RAG1: variants seen among roughly 807,000 people sequenced by gnomAD.
RAG1 encodes the protein V(D)J recombination-activating protein 1.
A neutral mutation model predicts 62.7 loss-of-function variants in RAG1; 35 were observed. The ratio of observed to expected loss-of-function variants is 0.56; its 90% CI spans 0.43 to 0.74. The LOEUF (loss-of-function observed/expected upper bound fraction) is 0.74. RAG1 is among the 30% of genes least tolerant of loss of function. RAG1 has a pLI of 0.00. For synonymous variants in RAG1, 461 were observed against 470.3 expected (o/e 0.98, Z 0.26); for missense variants, 1,169 against 1,278.6 (o/e 0.91, Z 1.31).
At chr11:36,520,165 T>C (rs988286583) in exon 2 of RAG1, 1 of 152,248 alleles carries the variant, frequency 6.6e-6, no homozygotes, top group Non-Finnish European at 1.5e-5. Flanking sequence ...AAGAATCACC[T>C]TGTTTTCTTG....
At chr11:36,528,489 A>G (rs1165984887) in intron 2 of RAG1, among the ~76,000 whole-genome samples, 6 of 152,188 alleles carry the variant, frequency 3.9e-5, no homozygotes, top group Non-Finnish European at 7.3e-5. Context: ...GATTTGTTTA[A>G]AGAAGTGTGT....
rs908374981 is a variant in RAG1, at chr11:36,561,527, T to C, written c.-411-1858T>C. On this transcript the variant is annotated intron_variant and NMD_transcript_variant, in intron 3 of 9. Transcript: ENST00000534663. ...TGGCTAAACATTATTCCTCGGTGTG[T>C]CTGTTAGTGTTTTTCTGAATGATAT... is the stretch of plus-strand genomic sequence containing the variant. 3.3e-5 allele frequency among the ~76,000 whole-genome samples: 5 copies of C among 152,210 alleles called. No individual in the cohort carries two copies. In the South Asian group the frequency reaches 6.2e-4, roughly 19 times the overall value.
upstream of RAG1, among the ~76,000 whole-genome samples, chr11:36,565,425 T>A (rs944718555): frequency 6.6e-6 from 1 of 152,132 alleles, no homozygotes; most frequent in African/African-American, 2.4e-5. Context: ...GGGAGCACAT[T>A]GCCTGGAGGA....
chr11:36,542,297 C>T (rs890717692), intron 3 of RAG1, among the ~76,000 whole-genome samples: 3 of 152,134 alleles, frequency 2.0e-5, no homozygotes, highest in African/African-American at 4.8e-5. Flanking sequence ...AAATACATAA[C>T]GCTGCAGGTG....
chr11:36,535,171 G>T (rs1007582843), intron 2 of RAG1, among the ~76,000 whole-genome samples: 9 of 151,752 alleles, frequency 5.9e-5, no homozygotes. Context: ...TGTAAAGTCT[G>T]AAATATATAT....
In RAG1 at chr11:36,573,473, C is replaced by G; in HGVS notation, c.169C>G (p.Pro57Ala). 6.2e-7 allele frequency: 1 copy of G among 1,614,178 alleles called. No homozygotes were observed. The highest frequency in any genetic ancestry group is 1.1e-5 in the South Asian group (1 of 91,080). The change falls in exon 2 of 2, where the codon CCC (proline) becomes GCC (alanine). Residue 57 changes from proline (P) to alanine (A), a missense_variant. Coordinates refer to ENST00000299440, the MANE Select transcript of RAG1 (RefSeq NM_000448.3). ...AAAGAAGGATTCCTTTGAGGGGAAACCCTCTCTGGAGCAATCTCCAGCAGT... is the reference window on the plus strand; with the variant it reads ...AAAGAAGGATTCCTTTGAGGGGAAAGCCTCTCTGGAGCAATCTCCAGCAGT... ...KEKKDSFEGK[P>A]SLEQSPAVLD... is the part of the protein sequence containing the mutation.
chr11:36,529,611 C>G (rs1430460184), intron 2 of RAG1, among the ~76,000 whole-genome samples: 1 of 152,260 alleles, frequency 6.6e-6, no homozygotes, highest in East Asian at 1.9e-4. Flanking sequence ...TCTCGCCACT[C>G]CTATTCAATA....
intron 3 of RAG1, among the ~76,000 whole-genome samples, chr11:36,546,224 AG>A (rs1384046173): frequency 6.6e-6 from 1 of 152,190 alleles, no homozygotes; most frequent in Non-Finnish European, 1.5e-5. Flanking sequence ...GCCTCTTTGT[AG>A]GTATCTAAGA....
intron 3 of RAG1, among the ~76,000 whole-genome samples, chr11:36,541,900 C>T (rs578236407): frequency 1.3e-5 from 2 of 152,182 alleles, no homozygotes; most frequent in East Asian, 1.9e-4. Flanking sequence ...AACCACCTAC[C>T]GCCCCTACCC....
rs61758791 is a variant in RAG1, at chr11:36,575,755, A to G, written c.2451A>G (p.Glu817=). The change falls in exon 2 of 2, where the codon GAA becomes GAG. Residue 817 remains glutamate, a synonymous_variant. Transcript: ENST00000299440. The surrounding 1 kb of genome is among the most constrained non-coding windows in gnomAD (Gnocchi z 4.1). ...FYKIFQLEIG[E]VYKNPNASKE... ...AGATCTTCCAGCTAGAGATAGGGGAAGTGTATAAGAATCCCAATGCTTCCA... is the reference window on the plus strand; with the variant it reads ...AGATCTTCCAGCTAGAGATAGGGGAGGTGTATAAGAATCCCAATGCTTCCA... The G allele has an allele frequency of 2.9e-4, 470 of 1,614,220 alleles. 1 individual carries two copies. In the African/African-American group the frequency reaches 5.9e-3, roughly 20 times the overall value.
chr11:36,538,455 G>T (rs1202910586), downstream of RAG1, among the ~76,000 whole-genome samples: 1 of 152,150 alleles, frequency 6.6e-6, no homozygotes, highest in South Asian at 2.1e-4. Flanking sequence ...TGCTCTATTC[G>T]ATAGGTTATT....
downstream of RAG1, among the ~76,000 whole-genome samples, chr11:36,538,980 CT>C (rs1211254837): frequency 2.0e-5 from 3 of 152,094 alleles, no homozygotes; most frequent in Non-Finnish European, 4.4e-5. Context: ...TCTTTTTCTT[CT>C]GTTTTTCTTC....
chr11:36,562,666 G>T (rs1850606600), intron 3 of RAG1, among the ~76,000 whole-genome samples: 1 of 152,160 alleles, frequency 6.6e-6, no homozygotes, highest in Non-Finnish European at 1.5e-5. Flanking sequence ...GTGGGTGGAT[G>T]AAGGAAATGC....
At chr11:36,551,085 T>C (rs1428600897) in intron 3 of RAG1, among the ~76,000 whole-genome samples, 1 of 152,098 alleles carries the variant, frequency 6.6e-6, no homozygotes, top group Non-Finnish European at 1.5e-5. Flanking sequence ...GAATATCAAA[T>C]TGTAGTCAGA....
At chr11:36,531,819 G>C (rs1315731593) in intron 2 of RAG1, among the ~76,000 whole-genome samples, 1 of 151,868 alleles carries the variant, frequency 6.6e-6, no homozygotes, top group African/African-American at 2.4e-5. Context: ...CAAATGACGT[G>C]AGCTAGAAAC....
downstream of RAG1, among the ~76,000 whole-genome samples, chr11:36,538,389 A>T (rs181248434): frequency 1.3e-5 from 2 of 152,310 alleles, no homozygotes; most frequent in African/African-American, 2.4e-5. Flanking sequence ...TAGAAAAGGC[A>T]ATGCTAGCTT....
In RAG1 at chr11:36,576,570, C is replaced by T. The variant is rs1162575850; in HGVS notation, c.*134C>T. On this transcript the variant is annotated 3_prime_UTR_variant, in exon 2 of 2. Transcript: ENST00000299440. ...AGAGGTGGTAGGTTGGAGTAAGATG[C>T]TACAGATGCTCTCAAGTCAGGAATA... 10 of 1,034,178 alleles carry T rather than the reference C, an allele frequency of 9.7e-6. No homozygotes were observed. Among genetic ancestry groups the T allele is most frequent in the Non-Finnish European group, 1.5e-5 (10 of 680,760 alleles). The allele number at this position is 1,034,178 out of a possible 1,614,324, so 64.1% of individuals were successfully genotyped here.
rs894465891 is a variant in RAG1 at position 36,568,074 on chromosome 11, C to G, written c.-63C>G. The G allele has an allele frequency of 6.6e-6, 1 of 152,302 alleles. No individual in the cohort carries two copies. The highest frequency in any genetic ancestry group is 3.4e-3 in the Middle Eastern group (1 of 294). The allele number at this position is 152,302 out of a possible 1,614,324, so 9.4% of individuals were successfully genotyped here. ...TCTCTTTGGTATTGAGTAATATCAA[C>G]CAAATTGCAGACATCTCAACACTTT... is the stretch of plus-strand genomic sequence containing the variant. On this transcript the variant is annotated 5_prime_UTR_variant, in exon 1 of 2. Coordinates refer to ENST00000299440, the MANE Select transcript of RAG1 (RefSeq NM_000448.3).
chr11:36,546,103 G>A (rs10082652), intron 3 of RAG1, among the ~76,000 whole-genome samples: 6,381 of 152,164 alleles, frequency 0.042, 442 homozygotes, highest in African/African-American at 0.14. Context: ...AGGTCCACTT[G>A]GTCCAGAGCT....
Sources: gnomAD v4.1 joint callset for allele counts (sites outside exome capture counted in the v4.1 genomes callset) on GRCh38, gnomAD v4.1.1 for gene constraint, Gnocchi (gnomAD v3.1) non-coding constraint, MANE v1.5 for transcripts, NCBI Gene and HGNC (gene_info 2026-07-23, HGNC 2026-07-21) for gene names.